Variants in PDE1C observed in about 807,000 individuals in gnomAD.
The protein encoded by PDE1C is phosphodiesterase 1C.
PDE1C carries 62 observed loss-of-function variants against 93.1 expected under a neutral mutation model. That is an observed-to-expected ratio of 0.67 (90% CI 0.54 to 0.82). PDE1C has a LOEUF of 0.82. PDE1C is among the 40% of genes least tolerant of loss of function. PDE1C has a pLI of 0.00. For missense variants in PDE1C, 742 were observed against 884.6 expected (o/e 0.84, Z 2.04); for synonymous variants, 325 against 310.1 (o/e 1.05, Z -0.50).
At chr7:31,839,686 A>C (rs1296548968) in intron 9 of PDE1C, among the ~76,000 whole-genome samples, 1 of 152,218 alleles carries the variant, frequency 6.6e-6, no homozygotes, top group African/African-American at 2.4e-5. Context: ...GTTTTCATTT[A>C]TCTGGGGTGA....
the PDE1C span, among the ~76,000 whole-genome samples, chr7:31,629,637 TG>T: frequency 1.3e-5 from 2 of 152,200 alleles, no homozygotes; most frequent in Non-Finnish European, 2.9e-5. Flanking sequence ...GGTCAGACCA[TG>T]GGTCCATAGA....
chr7:32,425,066 C>A (rs2128100713), intron 1 of PDE1C, among the ~76,000 whole-genome samples: 1 of 152,012 alleles, frequency 6.6e-6, no homozygotes, highest in East Asian at 1.9e-4. Flanking sequence ...AAAATAGCAT[C>A]CAGCAATACT....
At chr7:32,354,829 A>G (rs1784000483) in intron 1 of PDE1C, among the ~76,000 whole-genome samples, 1 of 152,262 alleles carries the variant, frequency 6.6e-6, no homozygotes, top group Non-Finnish European at 1.5e-5. Context: ...TCAGTACAAA[A>G]GATGAAACAC....
At chr7:31,664,371 T>C in the PDE1C span, among the ~76,000 whole-genome samples, 1 of 152,164 alleles carries the variant, frequency 6.6e-6, no homozygotes, top group East Asian at 1.9e-4. Flanking sequence ...GAAACAGGTG[T>C]GTGGGCCCTG....
intron 1 of PDE1C, among the ~76,000 whole-genome samples, chr7:32,294,001 C>T (rs1165457485): frequency 6.6e-6 from 1 of 152,072 alleles, no homozygotes; most frequent in East Asian, 1.9e-4. Flanking sequence ...GGCCTCTCTG[C>T]CAGGGCTGGA....
the PDE1C span, among the ~76,000 whole-genome samples, chr7:31,684,091 T>C: frequency 2.0e-5 from 3 of 152,158 alleles, no homozygotes; most frequent in African/African-American, 7.2e-5. Context: ...AGATTTACAT[T>C]ACCATCTGCC....
intron 1 of PDE1C, among the ~76,000 whole-genome samples, chr7:32,413,222 T>C (rs1785209140): frequency 6.6e-6 from 1 of 152,102 alleles, no homozygotes; most frequent in South Asian, 2.1e-4. Context: ...TGTACAAAAT[T>C]AAGATAAATG....
chr7:31,713,544 G>T, the PDE1C span, among the ~76,000 whole-genome samples: 4 of 152,318 alleles, frequency 2.6e-5, no homozygotes, highest in African/African-American at 9.6e-5. Flanking sequence ...AGCTCTACTA[G>T]GTGGTACACC....
At chr7:31,744,584 T>C in the PDE1C span, among the ~76,000 whole-genome samples, 2 of 152,154 alleles carry the variant, frequency 1.3e-5, no homozygotes, top group Non-Finnish European at 2.9e-5. Context: ...ATGGAAACCT[T>C]TGAGCCACTT....
chr7:31,831,515 C>T (rs1424513315), intron 11 of PDE1C, among the ~76,000 whole-genome samples: 1 of 151,884 alleles, frequency 6.6e-6, no homozygotes, highest in Non-Finnish European at 1.5e-5. Context: ...CACACACACA[C>T]ACACGCACAT....
rs1030160979 is a variant in PDE1C at position 31,833,414 on chromosome 7, T to C, written c.1203+3766A>G. On this transcript the variant is annotated intron_variant, in intron 11 of 17. Coordinates refer to ENST00000396191, the MANE Select transcript of PDE1C (RefSeq NM_001191057.4). ...ATGTGGAAGCGACTTTAGAAGTGGG[T>C]AACAGGCAGAGGTTGGAACAGTTTG... Among the ~76,000 whole-genome samples the C allele has an allele frequency of 3.3e-5, 5 of 152,292 alleles. No individual in the cohort carries two copies. In the South Asian group the frequency reaches 1.0e-3, roughly 32 times the overall value.
intron 16 of PDE1C, among the ~76,000 whole-genome samples, chr7:31,794,968 T>C (rs2128672152): frequency 6.6e-6 from 1 of 152,080 alleles, no homozygotes; most frequent in East Asian, 1.9e-4. Context: ...CAAACAATCA[T>C]TTTCTCATGT....
chr7:31,707,146 C>A, the PDE1C span: 3 of 1,499,532 alleles, frequency 2.0e-6, no homozygotes, highest in South Asian at 2.3e-5. Flanking sequence ...CTGTCTGCAA[C>A]GTTGCCTAAT....
chr7:31,824,869 C>G lies in PDE1C; in HGVS notation c.1404G>C (p.Ser468=). 2 of 1,612,754 alleles carry G rather than the reference C, an allele frequency of 1.2e-6. No individual in the cohort carries two copies. The highest frequency in any genetic ancestry group is 1.7e-6 in the Non-Finnish European group (2 of 1,179,078). Residue 468 remains serine, a splice_region_variant and synonymous_variant, in exon 13 of 18, where the codon TCG becomes TCC. Coordinates refer to ENST00000396191, the MANE Select transcript of PDE1C (RefSeq NM_001191057.4). ...AGCCCTCAAGCTTCCCCACTGACCT[C>G]GAACGCCTCTGTCCTGTCCCACCAG... ...SQTGGTGQRR[S]SLNSISSSDA... is the part of the protein sequence containing the mutation.
At chr7:31,616,858 T>TAACAGATACCAGATACC in the PDE1C span, among the ~76,000 whole-genome samples, 2 of 151,394 alleles carry the variant, frequency 1.3e-5, no homozygotes, top group African/African-American at 4.9e-5. Context: ...AAACCTCTCT[T>TAACAGATACCAGATACC]AACAGATACC....
At chr7:31,710,585 T>A in the PDE1C span, among the ~76,000 whole-genome samples, 1 of 152,200 alleles carries the variant, frequency 6.6e-6, no homozygotes, top group Non-Finnish European at 1.5e-5. Context: ...AGATCCCATG[T>A]GGTTGTGAAA....
At chr7:31,809,726 C>A (rs569558756) in intron 15 of PDE1C, among the ~76,000 whole-genome samples, 1 of 152,000 alleles carries the variant, frequency 6.6e-6, no homozygotes, top group Non-Finnish European at 1.5e-5. Context: ...TTTAGAAACA[C>A]GTGAAAATAT....
intron 2 of PDE1C, among the ~76,000 whole-genome samples, chr7:32,042,423 T>A (rs760181533): frequency 5.3e-5 from 8 of 152,232 alleles, no homozygotes; most frequent in Non-Finnish European, 7.3e-5. Context: ...ATTTGTCTGC[T>A]CATTTGAGTT....
At chr7:32,387,796 C>T (rs1412991596) in intron 1 of PDE1C, among the ~76,000 whole-genome samples, 2 of 142,658 alleles carry the variant, frequency 1.4e-5, no homozygotes, top group East Asian at 4.1e-4. Context: ...GGCGGCTGGC[C>T]GGGCGGGGGG....
Sources: allele counts gnomAD v4.1 joint callset (sites outside exome capture counted in the v4.1 genomes callset), GRCh38; gene constraint gnomAD v4.1.1; transcripts MANE v1.5; gene names NCBI Gene and HGNC (gene_info 2026-07-23, HGNC 2026-07-21).